The following PAK1 variants were observed in gnomAD, a reference collection of about 807,000 sequenced individuals.
The protein encoded by PAK1 is serine/threonine-protein kinase PAK 1.
Under a neutral mutation model 67.4 loss-of-function variants are expected in PAK1, and 29 were observed. The ratio of observed to expected loss-of-function variants is 0.43; its 90% CI spans 0.32 to 0.59. The LOEUF (loss-of-function observed/expected upper bound fraction) is 0.59, where lower values mean the gene tolerates loss of function less well. Among genes scored for constraint, PAK1 ranks in the 20% least tolerant of loss-of-function variants. The probability of loss-of-function intolerance (pLI) is 0.07; values close to 1 mark genes in which losing one functional copy is unlikely to be tolerated. For missense variants in PAK1, 337 were observed against 670.7 expected, an observed-to-expected ratio of 0.50 and a Z score of 5.50; for synonymous variants, 223 against 237.4, an observed-to-expected ratio of 0.94 and a Z score of 0.56.
In PAK1 at chr11:77,349,264, G is replaced by T; in HGVS notation, c.860C>A (p.Ala287Glu). The change falls in exon 9 of 15, where the codon GCA becomes GAA. Residue 287 changes from alanine to glutamate, a missense_variant. This residue lies in a region of PAK1 where 150 missense variants were observed against 179.0 expected (regional missense o/e 0.84). Coordinates refer to ENST00000356341, the MANE Select transcript of PAK1 (RefSeq NM_002576.5). ...CTCCTGTCCTGTGGCCACATCCATT[G>T]CTGTGTACACGGTGCCTGAAGCACT... ...GQGASGTVYT[A>E]MDVATGQEVA... 6.2e-7 allele frequency: 1 copy of T among 1,600,988 alleles called. No individual in the cohort carries two copies. Among genetic ancestry groups the T allele is most frequent in the Non-Finnish European group, 8.5e-7 (1 of 1,173,050 alleles).
intron 14 of PAK1, among the ~76,000 whole-genome samples, chr11:77,327,923 T>C (rs1304518305): frequency 2.0e-5 from 3 of 151,856 alleles, no homozygotes; most frequent in African/African-American, 4.8e-5. Flanking sequence ...AGGCTCAAAA[T>C]AAAGGGATGG....
At chr11:77,352,230 G>C (rs1472543017) in intron 8 of PAK1, among the ~76,000 whole-genome samples, 2 of 152,022 alleles carry the variant, frequency 1.3e-5, no homozygotes. Flanking sequence ...CCTCCTCCCA[G>C]AAATAACCAC....
chr11:77,490,295 C>CCCCCCCCCCCGG, the PAK1 span, among the ~76,000 whole-genome samples: 5 of 148,030 alleles, frequency 3.4e-5, no homozygotes, highest in South Asian at 4.4e-4. Context: ...GGTCAGCCCC[C>CCCCCCCCCCCGG]CCACCCGGCC....
chr11:77,484,622 A>G, the PAK1 span, among the ~76,000 whole-genome samples: 1 of 152,234 alleles, frequency 6.6e-6, no homozygotes, highest in African/African-American at 2.4e-5. Context: ...TATTGCTGCC[A>G]GGAAGAAAAG....
chr11:77,334,319 T>A (rs1336522191), intron 13 of PAK1, among the ~76,000 whole-genome samples: 1 of 151,908 alleles, frequency 6.6e-6, no homozygotes, highest in Non-Finnish European at 1.5e-5. Flanking sequence ...GTATGTGGAG[T>A]CAGAGGCAAA....
At chr11:77,474,505 T>A (rs1958025306), upstream of PAK1, 1 of 152,210 alleles carries the variant, frequency 6.6e-6, no homozygotes, top group African/African-American at 2.4e-5. Flanking sequence ...CTGGGAGGGC[T>A]ACTGTAGTAG....
chr11:77,477,459 C>T (rs1958071213), upstream of PAK1, among the ~76,000 whole-genome samples: 1 of 150,816 alleles, frequency 6.6e-6, no homozygotes, highest in African/African-American at 2.5e-5. Flanking sequence ...GACCAGGTGC[C>T]TTGGCTCATG....
At chr11:77,412,187 A>C (rs1223855866) in intron 1 of PAK1, 2 of 152,450 alleles carry the variant, frequency 1.3e-5, no homozygotes, top group African/African-American at 4.8e-5. Context: ...GTCCTGTGTG[A>C]GCTCCAGAGT....
the PAK1 span, among the ~76,000 whole-genome samples, chr11:77,517,547 C>T: frequency 1.3e-5 from 2 of 152,160 alleles, no homozygotes; most frequent in African/African-American, 4.8e-5. Context: ...AGTCCCCAAC[C>T]TTTTTGGCAC....
rs768331227 is a variant in PAK1 at position 77,322,499 on chromosome 11, G to A, written c.*775C>T. On this transcript the variant is annotated 3_prime_UTR_variant, in exon 15 of 15. Coordinates refer to ENST00000356341, the MANE Select transcript of PAK1 (RefSeq NM_002576.5). ...TCTAAAAGTAGTCACCATTTTCCCC[G>A]ACTTCTCAACACTGCTCTCACTCAG... 23 of 192,534 alleles carry A rather than the reference G, an allele frequency of 1.2e-4. No individual in the cohort carries two copies. The highest frequency in any genetic ancestry group is 3.3e-4 in the African/African-American group (14 of 42,948). 11.9% of individuals were successfully genotyped at this position (192,534 alleles called of 1,614,324 possible).
At chr11:77,367,037 G>A (rs1401692188) in intron 5 of PAK1, among the ~76,000 whole-genome samples, 1 of 152,150 alleles carries the variant, frequency 6.6e-6, no homozygotes, top group Non-Finnish European at 1.5e-5. Context: ...ACACCATACT[G>A]ATACATGTTA....
chr11:77,365,383 C>T (rs1409770711), intron 5 of PAK1, among the ~76,000 whole-genome samples: 1 of 147,984 alleles, frequency 6.8e-6, no homozygotes, highest in East Asian at 2.0e-4. Flanking sequence ...ACATAAAGCA[C>T]ACCAGCATAC....
the PAK1 span, among the ~76,000 whole-genome samples, chr11:77,516,012 C>T: frequency 1.3e-5 from 2 of 152,186 alleles, no homozygotes; most frequent in Admixed American, 6.5e-5. Flanking sequence ...AGAAGAAGGG[C>T]TTTAGAGGCA....
chr11:77,397,584 C>T (rs142301841), intron 1 of PAK1, among the ~76,000 whole-genome samples: 13 of 152,216 alleles, frequency 8.5e-5, no homozygotes, highest in African/African-American at 2.4e-4. Flanking sequence ...AGTAGAAAGA[C>T]GGGAAAGAAA....
At chr11:77,525,379 A>G in the PAK1 span, among the ~76,000 whole-genome samples, 5 of 152,142 alleles carry the variant, frequency 3.3e-5, no homozygotes. Flanking sequence ...CTCTAAGTCC[A>G]AGAGTGATCA....
chr11:77,404,100 TTAAGAAA>T (rs1488403075), intron 1 of PAK1, among the ~76,000 whole-genome samples: 7 of 152,180 alleles, frequency 4.6e-5, no homozygotes, highest in Non-Finnish European at 1.0e-4. Context: ...CTCTAGAACT[TTAAGAAA>T]TATGTTTCTT....
chr11:77,406,473 C>T (rs185336002), intron 1 of PAK1, among the ~76,000 whole-genome samples: 1 of 152,312 alleles, frequency 6.6e-6, no homozygotes, highest in East Asian at 1.9e-4. Flanking sequence ...CTAAATAGGA[C>T]TTGGCAAGAG....
intron 5 of PAK1, 61 bp downstream of exon 5, chr11:77,374,267 C>CA: frequency 8.9e-7 from 1 of 1,121,734 alleles, no homozygotes; most frequent in East Asian, 2.4e-5. Context: ...GCCTCTACCA[C>CA]ACTGTCTTGA....
intron 1 of PAK1, among the ~76,000 whole-genome samples, chr11:77,424,520 T>C (rs1565693089): frequency 6.6e-6 from 1 of 152,194 alleles, no homozygotes; most frequent in Non-Finnish European, 1.5e-5. Context: ...AAATGTTCTA[T>C]CTCTTCAAAA....
Sources: gnomAD v4.1 joint callset for allele counts (sites outside exome capture counted in the v4.1 genomes callset) on GRCh38, gnomAD v4.1.1 for gene constraint, gnomAD v4.1.1 regional missense constraint, MANE v1.5 for transcripts, NCBI Gene and HGNC (gene_info 2026-07-23, HGNC 2026-07-21) for gene names.